Variants in RGS7 observed in about 807,000 individuals in gnomAD.
RGS7 encodes regulator of G-protein signaling 7.
In RGS7, 27 loss-of-function variants were observed where a neutral mutation model predicts 81.1. The ratio of observed to expected loss-of-function variants is 0.33; its 90% CI spans 0.25 to 0.46. The LOEUF is 0.46. Ranked by LOEUF, RGS7 falls within the 20% of genes least tolerant of loss-of-function variation. RGS7 has a pLI of 1.00. For synonymous variants in RGS7, 208 were observed against 207.7 expected (o/e 1.00, Z -0.01); for missense variants, 396 against 607.4 (o/e 0.65, Z 3.66).
intron 2 of RGS7, among the ~76,000 whole-genome samples, chr1:241,168,304 A>G (rs2070432486): frequency 6.6e-6 from 1 of 152,178 alleles, no homozygotes; most frequent in East Asian, 1.9e-4. Flanking sequence ...GTATTTTTTG[A>G]TAAATTTGAT....
intron 2 of RGS7, among the ~76,000 whole-genome samples, chr1:241,105,941 G>A (rs1012812499): frequency 1.3e-5 from 2 of 152,198 alleles, no homozygotes; most frequent in African/African-American, 4.8e-5. Flanking sequence ...AAATTATGGT[G>A]TGTACTGTCA....
intron 2 of RGS7, among the ~76,000 whole-genome samples, chr1:241,122,291 G>A (rs2066332834): frequency 6.6e-6 from 1 of 152,148 alleles, no homozygotes; most frequent in African/African-American, 2.4e-5. Flanking sequence ...GATGCCTAGT[G>A]TGTACCACAG....
intron 2 of RGS7, among the ~76,000 whole-genome samples, chr1:241,284,849 G>C (rs1388056547): frequency 6.6e-6 from 1 of 151,920 alleles, no homozygotes; most frequent in African/African-American, 2.4e-5. Flanking sequence ...AAAAGTTTCT[G>C]TCTTTCTTTG....
chr1:240,908,415 G>A (rs1253618919), intron 6 of RGS7, among the ~76,000 whole-genome samples: 1 of 151,986 alleles, frequency 6.6e-6, no homozygotes, highest in Non-Finnish European at 1.5e-5. Context: ...AAGTTACTAA[G>A]CCTACACAAA....
At chr1:241,331,806 C>T (rs905689815) in intron 2 of RGS7, among the ~76,000 whole-genome samples, 1 of 151,986 alleles carries the variant, frequency 6.6e-6, no homozygotes, top group Non-Finnish European at 1.5e-5. Context: ...GTTAGGGAGG[C>T]GTAAGGTGAT....
In RGS7 at chr1:241,030,063, T is replaced by C. The variant is rs191787566; in HGVS notation, c.176-46934A>G. Among the ~76,000 whole-genome samples the C allele has an allele frequency of 7.9e-5, 12 of 152,284 alleles. No individual in the cohort carries two copies. The East Asian group carries it at 2.3e-3, about 29-fold the overall frequency. ...TTTGCTCAAGATTATTTGATTAAAC[T>C]ATTACACTGAGAGTAAAGATTACTC... On this transcript the variant is annotated intron_variant, in intron 3 of 18. Coordinates refer to ENST00000440928, the MANE Select transcript of RGS7 (RefSeq NM_001364886.1).
intron 2 of RGS7, among the ~76,000 whole-genome samples, chr1:241,153,326 G>A (rs2068885564): frequency 6.6e-6 from 1 of 152,234 alleles, no homozygotes; most frequent in Non-Finnish European, 1.5e-5. Flanking sequence ...TGGATGCAAT[G>A]TAATCAATCC....
chr1:240,850,786 T>C (rs761677846), intron 9 of RGS7, among the ~76,000 whole-genome samples: 2 of 152,160 alleles, frequency 1.3e-5, no homozygotes, highest in Non-Finnish European at 2.9e-5. Flanking sequence ...ACAGCCTTAC[T>C]GTTGATAGGA....
At chr1:241,037,672 G>T (rs1443309881) in intron 3 of RGS7, among the ~76,000 whole-genome samples, 1 of 148,296 alleles carries the variant, frequency 6.7e-6, no homozygotes, top group Non-Finnish European at 1.5e-5. Flanking sequence ...AGTGAGCCGA[G>T]ATCACGCCAT....
intron 2 of RGS7, among the ~76,000 whole-genome samples, chr1:241,174,895 G>GATTTTT (rs2070995104): frequency 1.4e-5 from 1 of 69,232 alleles, no homozygotes; most frequent in Non-Finnish European, 2.5e-5. Flanking sequence ...ACAGAATTTT[G>GATTTTT]TTTTTTTTTT....
chr1:240,858,100 G>T (rs531561982), intron 9 of RGS7, among the ~76,000 whole-genome samples: 1 of 152,244 alleles, frequency 6.6e-6, no homozygotes, highest in South Asian at 2.1e-4. Context: ...GCATGAGAAT[G>T]AACTAATACA....
intron 3 of RGS7, among the ~76,000 whole-genome samples, chr1:241,086,615 C>G (rs569844301): frequency 6.6e-6 from 1 of 152,074 alleles, no homozygotes; most frequent in Non-Finnish European, 1.5e-5. Context: ...CTACATTTCC[C>G]CCCACCCAGA....
chr1:241,237,718 G>A (rs1360686799), intron 2 of RGS7, among the ~76,000 whole-genome samples: 2 of 152,128 alleles, frequency 1.3e-5, no homozygotes, highest in South Asian at 2.1e-4. Context: ...GAGCAGTTCC[G>A]CCTGTACCTG....
chr1:241,000,089 A>T (rs1687906168), intron 3 of RGS7, among the ~76,000 whole-genome samples: 1 of 152,148 alleles, frequency 6.6e-6, no homozygotes, highest in East Asian at 1.9e-4. Flanking sequence ...TGATGGCAGA[A>T]GTCTCGATGC....
chr1:241,193,975 C>G (rs1388899212), intron 2 of RGS7, among the ~76,000 whole-genome samples: 1 of 152,182 alleles, frequency 6.6e-6, no homozygotes, highest in African/African-American at 2.4e-5. Flanking sequence ...ACACAACACT[C>G]CAGCAATACT....
chr1:241,150,596 A>C (rs1012146880), intron 2 of RGS7, among the ~76,000 whole-genome samples: 1 of 152,214 alleles, frequency 6.6e-6, no homozygotes, highest in African/African-American at 2.4e-5. Flanking sequence ...CTCTCACCTC[A>C]ATCCAAGAGA....
At chr1:241,052,789 G>A (rs186771935) in intron 3 of RGS7, among the ~76,000 whole-genome samples, 34 of 150,902 alleles carry the variant, frequency 2.3e-4, no homozygotes, top group African/African-American at 3.6e-4. Flanking sequence ...TCTGCATAGC[G>A]TGGATGCTTT....
rs191709383 is a variant in RGS7, at chr1:241,308,628, T to C, written c.78+47071A>G. 1.5e-3 allele frequency among the ~76,000 whole-genome samples: 234 copies of C among 152,300 alleles called. 5 individuals are homozygous for C. The East Asian group carries it at 0.038, about 25-fold the overall frequency. ...TTCGCAGTTTCTGTCATGGCCTGGA[T>C]ACAAGTGCTCTTAATCTAGTAGATT... On this transcript the variant is annotated intron_variant, in intron 2 of 18. Transcript: ENST00000440928.
chr1:241,001,661 T>C (rs537772884), intron 3 of RGS7, among the ~76,000 whole-genome samples: 3 of 152,270 alleles, frequency 2.0e-5, no homozygotes, highest in Admixed American at 6.5e-5. Context: ...AAGTGCATAT[T>C]ACTAAGTGAA....
Sources: allele counts gnomAD v4.1 joint callset (sites outside exome capture counted in the v4.1 genomes callset), GRCh38; gene constraint gnomAD v4.1.1; transcripts MANE v1.5; gene names NCBI Gene and HGNC (gene_info 2026-07-23, HGNC 2026-07-21).